Variants in RYR2 observed in about 807,000 individuals in gnomAD.
The protein encoded by RYR2 is ryanodine receptor 2, also known as cardiac muscle ryanodine receptor-calcium release channel.
A neutral mutation model predicts 601.1 loss-of-function variants in RYR2; 227 were observed. The ratio of observed to expected loss-of-function variants is 0.38; its 90% confidence interval spans 0.34 to 0.42. RYR2 has a LOEUF of 0.42. RYR2 is among the 10% of genes least tolerant of loss of function. The pLI is 1.00. For missense variants in RYR2, 4,646 were observed against 6,156.5 expected, an observed-to-expected ratio of 0.75 and a Z score of 8.21; for synonymous variants, 2,223 against 2,175.1, an observed-to-expected ratio of 1.02 and a Z score of -0.61.
At chr1:237,488,638 T>C (rs1180640363) in intron 17 of RYR2, among the ~76,000 whole-genome samples, 1 of 152,154 alleles carries the variant, frequency 6.6e-6, no homozygotes, top group Non-Finnish European at 1.5e-5. Context: ...CCGATGACAT[T>C]CCACCATTGT....
chr1:237,679,420 A>G (rs1685665185), intron 61 of RYR2, among the ~76,000 whole-genome samples: 2 of 152,170 alleles, frequency 1.3e-5, no homozygotes, highest in South Asian at 4.1e-4. Flanking sequence ...TGTAGTCCCC[A>G]TTATATATAG....
At chr1:237,732,200 C>G (rs1690751684) in intron 78 of RYR2, 51 bp downstream of exon 78, 12 of 1,078,276 alleles carry the variant, frequency 1.1e-5, no homozygotes, top group African/African-American at 1.6e-5. Context: ...ATAAAGACAC[C>G]CGTGTCTGAG....
intron 1 of RYR2, among the ~76,000 whole-genome samples, chr1:237,066,660 G>A (rs1261012507): frequency 2.9e-5 from 4 of 138,946 alleles, no homozygotes; most frequent in African/African-American, 8.1e-5. Flanking sequence ...TTTTTTCTTC[G>A]AGACGGAGTC....
rs531114143 is a variant in RYR2 at position 237,226,153 on chromosome 1, C to T, written c.49-44344C>T. ...TTCACATTTCTGTTAGAACAGGGAA[C>T]GGAAGGGTTAATGATGTTCAGGAAC... On this transcript the variant is annotated intron_variant, in intron 1 of 104. Coordinates refer to ENST00000366574, the MANE Select transcript of RYR2 (RefSeq NM_001035.3). Among the ~76,000 whole-genome samples the T allele has an allele frequency of 4.6e-5, 7 of 152,040 alleles. No homozygotes were observed. The South Asian group carries it at 1.0e-3, about 23-fold the overall frequency.
intron 6 of RYR2, among the ~76,000 whole-genome samples, chr1:237,373,488 T>C (rs1700798214): frequency 6.6e-6 from 1 of 152,202 alleles, no homozygotes; most frequent in Non-Finnish European, 1.5e-5. Context: ...CCAGTGATTC[T>C]AAAGGGGGCT....
chr1:237,623,892 GC>G (rs756977080), intron 39 of RYR2, 22 bp downstream of exon 39: 3 of 1,467,624 alleles, frequency 2.0e-6, no homozygotes, highest in Non-Finnish European at 2.9e-6. Flanking sequence ...TTGATTAAAA[GC>G]TTTTATTAAT....
At chr1:237,265,219 C>T (rs1688936427) in intron 1 of RYR2, among the ~76,000 whole-genome samples, 1 of 152,022 alleles carries the variant, frequency 6.6e-6, no homozygotes, top group Non-Finnish European at 1.5e-5. Flanking sequence ...ATAGTGCATG[C>T]GAAAGTCCTG....
At chr1:237,160,421 T>C (rs952857645) in intron 1 of RYR2, among the ~76,000 whole-genome samples, 1 of 152,216 alleles carries the variant, frequency 6.6e-6, no homozygotes, top group Non-Finnish European at 1.5e-5. Flanking sequence ...TATCAAGTGA[T>C]GCTCTTTTCT....
chr1:237,395,607 C>T (rs181665482), intron 10 of RYR2, among the ~76,000 whole-genome samples: 27 of 141,266 alleles, frequency 1.9e-4, no homozygotes, highest in East Asian at 1.8e-3. Flanking sequence ...AGTGCAGTGG[C>T]GCGATCTCTG....
Position 237,614,086 on chromosome 1 carries a change from T to G in RYR2, c.4958T>G (p.Phe1653Cys), listed in dbSNP as rs758939918. 6.2e-7 allele frequency: 1 copy of G among 1,613,980 alleles called. No individual in the cohort carries two copies. ...ACAGAGCAGGAGGAATTGCTGAAAT[T>G]TCACTATCACACTCTCCGGCTCTAC... ...ELTEQEELLK[F>C]HYHTLRLYSA... The change falls in exon 37 of 105, where the codon TTT becomes TGT. Residue 1653 changes from phenylalanine to cysteine, a missense_variant. By Grantham distance (205) the Phe-to-Cys change is radical (BLOSUM62 -2). This residue lies in a region of RYR2 where 1,807 missense variants were observed against 2,088.1 expected (regional missense o/e 0.87). Transcript: ENST00000366574. This position sits in a 1 kb window ranked among gnomAD's most constrained non-coding sequence, Gnocchi z 4.3.
intron 1 of RYR2, among the ~76,000 whole-genome samples, chr1:237,245,010 C>T (rs1214579361): frequency 6.6e-6 from 1 of 152,044 alleles, no homozygotes; most frequent in Non-Finnish European, 1.5e-5. Flanking sequence ...GAGTTCCAGA[C>T]CAGCCTGAGC....
At chr1:237,514,353 C>G (rs1209077524) in intron 24 of RYR2, among the ~76,000 whole-genome samples, 1 of 152,190 alleles carries the variant, frequency 6.6e-6, no homozygotes, top group Admixed American at 6.5e-5. Flanking sequence ...GTCATACCTA[C>G]CAGCTGCTGG....
chr1:237,158,725 C>T (rs914335021), intron 1 of RYR2, among the ~76,000 whole-genome samples: 12 of 152,174 alleles, frequency 7.9e-5, no homozygotes, highest in African/African-American at 2.2e-4. Flanking sequence ...CAGGTTTCGT[C>T]TCCTCAGTGC....
intron 37 of RYR2, among the ~76,000 whole-genome samples, chr1:237,616,279 A>AT (rs957914716): frequency 1.8e-4 from 28 of 152,162 alleles, no homozygotes; most frequent in Non-Finnish European, 3.5e-4. Flanking sequence ...GAGTGTATAG[A>AT]TTTTTTTAAA....
Position 237,537,128 on chromosome 1 carries a change from C to T in RYR2, c.2906+6618C>T, listed in dbSNP as rs574908727. Among the ~76,000 whole-genome samples the T allele has an allele frequency of 9.9e-4, 150 of 152,256 alleles. 2 individuals are homozygous for T. Among genetic ancestry groups the T allele is most frequent in the African/African-American group, 3.5e-3 (145 of 41,566 alleles). ...GGAAGACTATGTAAATTAGTACAAC[C>T]ACTATGGAGATCAATTTAGCCTAAT... is the stretch of plus-strand genomic sequence containing the variant. On this transcript the variant is annotated intron_variant, in intron 25 of 104. Transcript: ENST00000366574.
intron 1 of RYR2, among the ~76,000 whole-genome samples, chr1:237,201,568 T>G (rs557576585): frequency 6.6e-6 from 1 of 152,312 alleles, no homozygotes; most frequent in African/African-American, 2.4e-5. Flanking sequence ...GGCCCCTAGT[T>G]TCAGTGCTTA....
At chr1:237,108,511 C>A (rs1669020717) in intron 1 of RYR2, among the ~76,000 whole-genome samples, 1 of 152,204 alleles carries the variant, frequency 6.6e-6, no homozygotes, top group Non-Finnish European at 1.5e-5. Context: ...AACCTTGCAG[C>A]CTGCAGAAGC....
rs780965490 is a variant in RYR2 at position 237,500,827 on chromosome 1, C to A, written c.2320C>A (p.Pro774Thr). 3.1e-6 allele frequency: 5 copies of A among 1,613,882 alleles called. No homozygotes were observed. Among genetic ancestry groups the A allele is most frequent in the Non-Finnish European group, 2.5e-6 (3 of 1,179,898 alleles). ...CATCTCGTTCCGAATTAATGGACAACCTGTTCAAGGAATGTTTGAGAATTT... is the reference window on the plus strand; with the variant it reads ...CATCTCGTTCCGAATTAATGGACAAACTGTTCAAGGAATGTTTGAGAATTT... Reference protein sequence around the residue: ...PSISFRINGQPVQGMFENFNI... With the variant: ...PSISFRINGQTVQGMFENFNI... Residue 774 changes from proline to threonine, a missense_variant, in exon 21 of 105, where the codon CCT becomes ACT. Coordinates refer to ENST00000366574, the MANE Select transcript of RYR2 (RefSeq NM_001035.3).
At chr1:237,665,890 C>A (rs1684285773) in intron 56 of RYR2, among the ~76,000 whole-genome samples, 1 of 152,144 alleles carries the variant, frequency 6.6e-6, no homozygotes. Context: ...GAGCTCATTT[C>A]TGTGGTACAC....
Sources: gnomAD v4.1 joint callset for allele counts (sites outside exome capture counted in the v4.1 genomes callset) on GRCh38, gnomAD v4.1.1 for gene constraint, gnomAD v4.1.1 regional missense constraint, Gnocchi (gnomAD v3.1) non-coding constraint, MANE v1.5 for transcripts, NCBI Gene and HGNC (gene_info 2026-07-23, HGNC 2026-07-21) for gene names.